The following RERG variants were observed in gnomAD, a reference collection of about 807,000 sequenced individuals.
The protein encoded by RERG is ras-related and estrogen-regulated growth inhibitor.
In RERG, 25 loss-of-function variants were observed where a neutral mutation model predicts 23.2. The ratio of observed to expected loss-of-function variants is 1.08; its 90% CI spans 0.79 to 1.50. RERG has a LOEUF of 1.50. Among genes scored for constraint, RERG ranks in the 40% most tolerant of loss-of-function variants. The pLI is 0.00. For missense variants in RERG, 253 were observed against 250.1 expected, an observed-to-expected ratio of 1.01 and a Z score of -0.08; for synonymous variants, 81 against 89.1, an observed-to-expected ratio of 0.91 and a Z score of 0.51.
chr12:15,133,113 A>G (rs1016105390), intron 2 of RERG, among the ~76,000 whole-genome samples: 10 of 138,506 alleles, frequency 7.2e-5, no homozygotes, highest in South Asian at 2.3e-4. Context: ...AGTTTTTACT[A>G]TGGTTCACTC....
Position 15,180,235 on chromosome 12 carries a change from A to G in RERG, c.61+37194T>C, listed in dbSNP as rs181920129. 5.9e-5 allele frequency among the ~76,000 whole-genome samples: 9 copies of G among 152,328 alleles called. No homozygotes were observed. In the East Asian group the frequency reaches 1.3e-3, roughly 23 times the overall value. ...CAAAGGGCTGACATATGTAGTGAAC[A>G]AAGATCAGAATTATAAAATCAAAAA... On this transcript the variant is annotated intron_variant, in intron 2 of 4. Coordinates refer to ENST00000256953, the MANE Select transcript of RERG (RefSeq NM_032918.3).
At chr12:15,161,141 A>G (rs1310520356) in intron 2 of RERG, among the ~76,000 whole-genome samples, 2 of 53,856 alleles carry the variant, frequency 3.7e-5, no homozygotes, top group East Asian at 8.7e-4. Context: ...TCTCAGAAAA[A>G]GAAAGAAAGA....
chr12:15,164,298 A>T (rs1051612941), intron 2 of RERG, among the ~76,000 whole-genome samples: 3 of 152,182 alleles, frequency 2.0e-5, no homozygotes, highest in African/African-American at 7.2e-5. Context: ...CAAACTTTAG[A>T]CTTCTCCTAA....
At chr12:15,199,075 C>T (rs1402134297) in intron 2 of RERG, among the ~76,000 whole-genome samples, 2 of 152,136 alleles carry the variant, frequency 1.3e-5, no homozygotes, top group African/African-American at 4.8e-5. Flanking sequence ...TAAAGATTCA[C>T]ATCTGTTTCA....
At chr12:15,139,585 T>C (rs879854130) in intron 2 of RERG, among the ~76,000 whole-genome samples, 11 of 152,188 alleles carry the variant, frequency 7.2e-5, no homozygotes, top group Admixed American at 1.3e-4. Flanking sequence ...CTGTTTTAAA[T>C]GGTACAGTGT....
chr12:15,114,893 C>A (rs2136084427), intron 3 of RERG, among the ~76,000 whole-genome samples: 1 of 152,234 alleles, frequency 6.6e-6, no homozygotes, highest in South Asian at 2.1e-4. Flanking sequence ...ACGGTGCATG[C>A]TAAAGTTTGA....
chr12:15,193,891 G>A (rs1865106412), intron 2 of RERG, among the ~76,000 whole-genome samples: 1 of 152,088 alleles, frequency 6.6e-6, no homozygotes, highest in Non-Finnish European at 1.5e-5. Context: ...TCAGTGGTAG[G>A]TAAACGATTC....
At chr12:15,205,023 A>G (rs79409641) in intron 2 of RERG, among the ~76,000 whole-genome samples, 5,513 of 151,956 alleles carry the variant, frequency 0.036, 330 homozygotes, top group African/African-American at 0.13. Context: ...AGATATCATC[A>G]TTGAGGGGAA....
chr12:15,207,096 T>A (rs564794180), intron 2 of RERG, among the ~76,000 whole-genome samples: 2 of 152,246 alleles, frequency 1.3e-5, no homozygotes, highest in South Asian at 4.2e-4. Context: ...TGTTAACCAG[T>A]TGTAAGTTAC....
At chr12:15,126,082 T>C (rs1047327905) in intron 2 of RERG, among the ~76,000 whole-genome samples, 2 of 145,040 alleles carry the variant, frequency 1.4e-5, no homozygotes, top group Non-Finnish European at 3.0e-5. Context: ...TCCTCTATTG[T>C]CTAAACCCTT....
chr12:15,220,146 C>T (rs911341872), intron 1 of RERG, among the ~76,000 whole-genome samples: 1 of 152,140 alleles, frequency 6.6e-6, no homozygotes, highest in African/African-American at 2.4e-5. Context: ...TTCTGATGTT[C>T]CAAATAATTC....
chr12:15,140,173 C>T (rs546936123), intron 2 of RERG, among the ~76,000 whole-genome samples: 1 of 152,178 alleles, frequency 6.6e-6, no homozygotes, highest in East Asian at 1.9e-4. Flanking sequence ...TGGAGCCTTT[C>T]GGAGACAATA....
chr12:15,165,481 G>A (rs143759019), intron 2 of RERG, among the ~76,000 whole-genome samples: 10 of 152,326 alleles, frequency 6.6e-5, no homozygotes, highest in Middle Eastern at 3.4e-3. Context: ...TCACAAATGG[G>A]TGATGTGGGA....
intron 2 of RERG, among the ~76,000 whole-genome samples, chr12:15,201,226 A>G (rs1865210380): frequency 6.6e-6 from 1 of 151,818 alleles, no homozygotes. Flanking sequence ...AGAGAGGACA[A>G]GGGAGGGAGA....
intron 2 of RERG, among the ~76,000 whole-genome samples, chr12:15,178,331 T>C (rs896646185): frequency 2.6e-5 from 4 of 152,216 alleles, no homozygotes; most frequent in Non-Finnish European, 4.4e-5. Context: ...TTCATTATTA[T>C]ATATGTCTTT....
intron 2 of RERG, among the ~76,000 whole-genome samples, chr12:15,193,588 C>T (rs1209863099): frequency 6.6e-6 from 1 of 152,150 alleles, no homozygotes; most frequent in Non-Finnish European, 1.5e-5. Flanking sequence ...CACACTGGGG[C>T]TCTCTGTCTC....
chr12:15,164,184 A>C (rs1864653958), intron 2 of RERG, among the ~76,000 whole-genome samples: 1 of 152,208 alleles, frequency 6.6e-6, no homozygotes, highest in Admixed American at 6.5e-5. Flanking sequence ...TCCTGACTGG[A>C]GCAAGTTTTA....
chr12:15,153,023 A>T (rs1864468071), intron 2 of RERG, among the ~76,000 whole-genome samples: 1 of 152,166 alleles, frequency 6.6e-6, no homozygotes, highest in Non-Finnish European at 1.5e-5. Context: ...ATCACTCCTA[A>T]TATTTATGGT....
At chr12:15,131,692 C>T (rs1864050348) in intron 2 of RERG, among the ~76,000 whole-genome samples, 1 of 152,090 alleles carries the variant, frequency 6.6e-6, no homozygotes, top group Non-Finnish European at 1.5e-5. Flanking sequence ...GGATGACCTC[C>T]TTATACAGAT....
Sources: allele counts gnomAD v4.1 joint callset (sites outside exome capture counted in the v4.1 genomes callset), GRCh38; gene constraint gnomAD v4.1.1; transcripts MANE v1.5; gene names NCBI Gene and HGNC (gene_info 2026-07-23, HGNC 2026-07-21).